The following ARHGAP25 variants were observed in gnomAD, a reference collection of about 807,000 sequenced individuals.
The protein encoded by ARHGAP25 is rho GTPase-activating protein 25.
Under a neutral mutation model 71.0 loss-of-function variants are expected in ARHGAP25, and 34 were observed. The ratio of observed to expected loss-of-function variants is 0.48; its 90% CI spans 0.36 to 0.64. The LOEUF (loss-of-function observed/expected upper bound fraction) is 0.64, where lower values mean the gene tolerates loss of function less well. Among genes scored for constraint, ARHGAP25 ranks in the 30% least tolerant of loss-of-function variants. The probability of loss-of-function intolerance (pLI) is 0.00; values close to 1 mark genes in which losing one functional copy is unlikely to be tolerated. For synonymous variants in ARHGAP25, 282 were observed against 296.5 expected, an observed-to-expected ratio of 0.95 and a Z score of 0.50; for missense variants, 706 against 805.1, an observed-to-expected ratio of 0.88 and a Z score of 1.49.
chr2:68,804,562 CT>C (rs1478674647), intron 4 of ARHGAP25, among the ~76,000 whole-genome samples: 1 of 152,144 alleles, frequency 6.6e-6, no homozygotes, highest in Non-Finnish European at 1.5e-5. Context: ...TGTGTGACCC[CT>C]CAAAGGCAGA....
chr2:68,823,004 T>C (rs1681827309), intron 10 of ARHGAP25, 132 bp downstream of exon 10: 1 of 954,888 alleles, frequency 1.0e-6, no homozygotes, highest in Non-Finnish European at 1.5e-6. Context: ...ATAGCAGGCC[T>C]AGAAAGAAAA....
chr2:68,778,568 CATCA>C (rs1391789065), intron 2 of ARHGAP25, among the ~76,000 whole-genome samples: 2 of 152,140 alleles, frequency 1.3e-5, no homozygotes, highest in Non-Finnish European at 2.9e-5. Context: ...AAAGCAGAAA[CATCA>C]CAATAATCTT....
At chr2:68,721,636 G>A (rs1453483825) in intron 2 of ARHGAP25, among the ~76,000 whole-genome samples, 1 of 152,256 alleles carries the variant, frequency 6.6e-6, no homozygotes, top group Non-Finnish European at 1.5e-5. Context: ...CATATCAGCA[G>A]TGAAATCAGC....
chr2:68,796,880 A>G (rs1305965254), intron 4 of ARHGAP25, among the ~76,000 whole-genome samples: 3 of 152,134 alleles, frequency 2.0e-5, no homozygotes, highest in Non-Finnish European at 1.5e-5. Flanking sequence ...GGCAGTGGGT[A>G]TAAAGGTGGT....
intron 10 of ARHGAP25, among the ~76,000 whole-genome samples, chr2:68,825,710 GC>G (rs1333852695): frequency 2.0e-5 from 3 of 152,122 alleles, no homozygotes; most frequent in Non-Finnish European, 4.4e-5. Context: ...GGGAGGCGGA[GC>G]TTGCAGTGAG....
At position 68,782,309 on chromosome 2, in the gene ARHGAP25, A is replaced by G; in HGVS notation, c.338A>G (p.Glu113Gly). 1 of 1,614,136 alleles carries G rather than the reference A, an allele frequency of 6.2e-7. No individual in the cohort carries two copies. Among genetic ancestry groups the G allele is most frequent in the Non-Finnish European group, 8.5e-7 (1 of 1,179,984 alleles). ...NPEEAGKFVFEIIPASWDQNR... is the reference protein window; with the variant it reads ...NPEEAGKFVFGIIPASWDQNR... The stretch of plus-strand genomic sequence containing the variant: ...GAAGAAGCTGGGAAGTTTGTCTTTG[A>G]AATCATTCCAGGTAGGCCACCACAG... The change falls in exon 3 of 11, where the codon GAA becomes GGA. Residue 113 changes from glutamate to glycine, a missense_variant. Glu to Gly is a moderately conservative substitution (Grantham distance 98). Coordinates refer to ENST00000409202, the MANE Select transcript of ARHGAP25 (RefSeq NM_001007231.3).
intron 2 of ARHGAP25, among the ~76,000 whole-genome samples, chr2:68,777,319 A>G (rs1277948543): frequency 2.6e-5 from 4 of 152,146 alleles, no homozygotes; most frequent in Admixed American, 2.6e-4. Flanking sequence ...TCCTGGTTCC[A>G]CCACTATTTG....
chr2:68,822,208 A>ATG lies in ARHGAP25; in HGVS notation c.1201-129_1201-128dup, dbSNP rs1681737308. ...AAATGCTAATGCAGATAATCAAGTA[A>ATG]TGTGATACATTAAGAATTTCATAGG... On this transcript the variant is annotated intron_variant, in intron 9 of 10. Transcript: ENST00000409202. 27 of 859,524 alleles carry ATG rather than the reference A, an allele frequency of 3.1e-5. No individual in the cohort carries two copies. In the South Asian group the frequency reaches 4.6e-4, roughly 14 times the overall value. The allele number at this position is 859,524 out of a possible 1,614,324, so 53.2% of individuals were successfully genotyped here. A position where few individuals can be genotyped will look rare whatever the true frequency, so the allele number is the denominator to read the frequency against.
chr2:68,738,501 C>T (rs1455888647), intron 1 of ARHGAP25, among the ~76,000 whole-genome samples: 1 of 152,164 alleles, frequency 6.6e-6, no homozygotes, highest in Non-Finnish European at 1.5e-5. Flanking sequence ...CATTACCAAA[C>T]TTACTATATG....
chr2:68,789,699 G>A (rs1679029813), intron 4 of ARHGAP25, among the ~76,000 whole-genome samples: 1 of 152,176 alleles, frequency 6.6e-6, no homozygotes, highest in African/African-American at 2.4e-5. Flanking sequence ...GGTAGTGGAT[G>A]TTGCCTAATC....
intron 4 of ARHGAP25, among the ~76,000 whole-genome samples, chr2:68,804,152 G>A (rs192466932): frequency 1.3e-5 from 2 of 152,328 alleles, no homozygotes; most frequent in Admixed American, 1.3e-4. Flanking sequence ...TAGAGAACTA[G>A]ACATATATTA....
intron 4 of ARHGAP25, among the ~76,000 whole-genome samples, chr2:68,799,408 C>A (rs1679800473): frequency 6.6e-6 from 1 of 152,180 alleles, no homozygotes; most frequent in Non-Finnish European, 1.5e-5. Flanking sequence ...TCAGTCTACC[C>A]AACAAACTGC....
intron 4 of ARHGAP25, among the ~76,000 whole-genome samples, chr2:68,801,176 G>A (rs1679936269): frequency 6.6e-6 from 1 of 152,116 alleles, no homozygotes. Flanking sequence ...TGTCTCCAGA[G>A]CATCCAGTGG....
At chr2:68,766,403 G>A (rs926350810) in intron 1 of ARHGAP25, among the ~76,000 whole-genome samples, 3 of 152,328 alleles carry the variant, frequency 2.0e-5, no homozygotes, top group East Asian at 1.9e-4. Flanking sequence ...CTCTGGGGCA[G>A]TGTTCTTCCG....
At chr2:68,749,404 G>A (rs755301676) in intron 1 of ARHGAP25, among the ~76,000 whole-genome samples, 6 of 152,064 alleles carry the variant, frequency 3.9e-5, no homozygotes, top group East Asian at 1.9e-4. Flanking sequence ...TGACTGCACC[G>A]TCAGTCCTGT....
In ARHGAP25 at chr2:68,822,332, T is replaced by C; in HGVS notation, c.1201-8T>C. The C allele has an allele frequency of 6.2e-7, 1 of 1,609,224 alleles. No homozygotes were observed. The highest frequency in any genetic ancestry group is 1.1e-5 in the South Asian group (1 of 90,596). On this transcript the variant is annotated splice_region_variant and splice_polypyrimidine_tract_variant and intron_variant, in intron 9 of 10. Coordinates refer to ENST00000409202, the MANE Select transcript of ARHGAP25 (RefSeq NM_001007231.3). The stretch of plus-strand genomic sequence containing the variant: ...CCCATGTGACATCCATGGCCATTTC[T>C]TTTCTAGACAAGCGACTCTGATACA...
At chr2:68,725,952 T>C (rs889138247) in intron 2 of ARHGAP25, among the ~76,000 whole-genome samples, 13 of 152,156 alleles carry the variant, frequency 8.5e-5, no homozygotes, top group Admixed American at 6.5e-4. Flanking sequence ...TCACCTATTC[T>C]GTGAAATGTC....
intron 3 of ARHGAP25, among the ~76,000 whole-genome samples, chr2:68,787,065 T>C (rs1344596098): frequency 1.3e-5 from 2 of 152,222 alleles, no homozygotes; most frequent in African/African-American, 4.8e-5. Flanking sequence ...GACCTGTGTT[T>C]GATACTCTCC....
chr2:68,797,161 C>A (rs1679612644), intron 4 of ARHGAP25, among the ~76,000 whole-genome samples: 1 of 152,172 alleles, frequency 6.6e-6, no homozygotes, highest in Non-Finnish European at 1.5e-5. Flanking sequence ...CAGAGCTGGA[C>A]CAAGCAAGCT....
Sources: gnomAD v4.1 joint callset for allele counts (sites outside exome capture counted in the v4.1 genomes callset) on GRCh38, gnomAD v4.1.1 for gene constraint, MANE v1.5 for transcripts, NCBI Gene and HGNC (gene_info 2026-07-23, HGNC 2026-07-21) for gene names.